Variants in CSGALNACT1 observed in about 807,000 individuals in gnomAD.
CSGALNACT1 encodes the protein chondroitin sulfate N-acetylgalactosaminyltransferase 1, also known as beta4GalNAcT-1.
A neutral mutation model predicts 51.0 loss-of-function variants in CSGALNACT1; 52 were observed. The ratio of observed to expected loss-of-function variants is 1.02; its 90% confidence interval spans 0.82 to 1.29. CSGALNACT1 has a LOEUF of 1.29. Among genes scored for constraint, CSGALNACT1 ranks in the 50% most tolerant of loss-of-function variants. CSGALNACT1 has a pLI of 0.00. For missense variants in CSGALNACT1, 935 were observed against 679.2 expected (o/e 1.38, Z -4.19); for synonymous variants, 341 against 254.4 (o/e 1.34, Z -3.24).
chr8:19,680,010 T>G (rs560911184), intron 1 of CSGALNACT1, among the ~76,000 whole-genome samples: 1 of 152,122 alleles, frequency 6.6e-6, no homozygotes, highest in Non-Finnish European at 1.5e-5. Flanking sequence ...ATTCTAAAAA[T>G]AGCCACGACA....
intron 1 of CSGALNACT1, among the ~76,000 whole-genome samples, chr8:19,618,517 A>G (rs1219881385): frequency 6.6e-6 from 1 of 151,044 alleles, no homozygotes; most frequent in African/African-American, 2.4e-5. Flanking sequence ...GTGGCCACCT[A>G]TAATCCCAGC....
chr8:19,535,719 A>G (rs1238798104), intron 3 of CSGALNACT1, among the ~76,000 whole-genome samples: 1 of 152,104 alleles, frequency 6.6e-6, no homozygotes. Flanking sequence ...AAGCCATAGA[A>G]GGAAAAAAAT....
chr8:19,555,261 G>C (rs1165308721), intron 3 of CSGALNACT1, among the ~76,000 whole-genome samples: 2 of 151,816 alleles, frequency 1.3e-5, no homozygotes, highest in African/African-American at 2.4e-5. Flanking sequence ...AAAAAGAAAA[G>C]AAAAGAAAAA....
chr8:19,685,311 C>G (rs2060909001), upstream of CSGALNACT1, among the ~76,000 whole-genome samples: 1 of 152,114 alleles, frequency 6.6e-6, no homozygotes, highest in Non-Finnish European at 1.5e-5. Context: ...GAGTTTGAGA[C>G]CAGTCTGGGC....
At chr8:19,734,460 T>G (rs1285697784) in intron 1 of CSGALNACT1, among the ~76,000 whole-genome samples, 3 of 152,248 alleles carry the variant, frequency 2.0e-5, no homozygotes, top group Non-Finnish European at 4.4e-5. Flanking sequence ...GCTGTGCCTA[T>G]ACTTCCTTTC....
At chr8:19,733,845 G>T (rs958561560) in intron 1 of CSGALNACT1, among the ~76,000 whole-genome samples, 11 of 152,046 alleles carry the variant, frequency 7.2e-5, no homozygotes, top group Admixed American at 3.3e-4. Flanking sequence ...AGCCAGAAGG[G>T]AACCTCTGCT....
At chr8:19,549,656 CTTTTTTTT>C (rs542956513) in intron 3 of CSGALNACT1, among the ~76,000 whole-genome samples, 3 of 83,468 alleles carry the variant, frequency 3.6e-5, no homozygotes, top group South Asian at 4.7e-4. Context: ...CAATTTCCTA[CTTTTTTTT>C]TTTTTTTTTT....
At position 19,596,718 on chromosome 8, in the gene CSGALNACT1, T is replaced by C. The variant is rs182888119; in HGVS notation, c.-416+5053A>G. On this transcript the variant is annotated intron_variant, in intron 2 of 9. Coordinates refer to ENST00000454498, the Ensembl canonical transcript of CSGALNACT1. ...TTTAAAAATCTAAGCAAAGGAAAAA[T>C]AAAGCTCAAACCATGAACTCTAAAA... Among the ~76,000 whole-genome samples the C allele has an allele frequency of 6.6e-5, 10 of 152,026 alleles. No individual in the cohort carries two copies. In the East Asian group the frequency reaches 1.5e-3, roughly 23 times the overall value.
chr8:19,583,078 A>T (rs545469869), intron 3 of CSGALNACT1, among the ~76,000 whole-genome samples: 2 of 152,272 alleles, frequency 1.3e-5, no homozygotes, highest in East Asian at 3.9e-4. Context: ...CTTTAAACAC[A>T]TGCAATTTTT....
chr8:19,723,996 G>A (rs1458296089), intron 1 of CSGALNACT1, among the ~76,000 whole-genome samples: 2 of 152,136 alleles, frequency 1.3e-5, no homozygotes, highest in Admixed American at 6.5e-5. Flanking sequence ...CTCTCATTTC[G>A]AAAACCCTAG....
chr8:19,563,982 G>A (rs917218218), intron 3 of CSGALNACT1, among the ~76,000 whole-genome samples: 7 of 151,858 alleles, frequency 4.6e-5, no homozygotes, highest in South Asian at 2.1e-4. Flanking sequence ...CTGTCTCCAC[G>A]GCTCTCCACA....
intron 4 of CSGALNACT1, among the ~76,000 whole-genome samples, chr8:19,501,745 G>A (rs2076465053): frequency 6.6e-6 from 1 of 152,184 alleles, no homozygotes; most frequent in African/African-American, 2.4e-5. Flanking sequence ...CAGGAAATCA[G>A]AGCCAAAATA....
intron 1 of CSGALNACT1, among the ~76,000 whole-genome samples, chr8:19,617,993 C>T (rs1396853730): frequency 6.6e-6 from 1 of 152,080 alleles, no homozygotes; most frequent in Non-Finnish European, 1.5e-5. Context: ...AATCCTCCCA[C>T]CTCAGCCCCC....
At chr8:19,692,573 C>T (rs529382682) in intron 1 of CSGALNACT1, among the ~76,000 whole-genome samples, 1 of 152,290 alleles carries the variant, frequency 6.6e-6, no homozygotes, top group South Asian at 2.1e-4. Flanking sequence ...CATCCTCATT[C>T]ATGGCTAAAA....
intron 1 of CSGALNACT1, among the ~76,000 whole-genome samples, chr8:19,663,249 C>A (rs2001853): frequency 6.6e-6 from 1 of 151,874 alleles, no homozygotes; most frequent in Non-Finnish European, 1.5e-5. Context: ...CTTCCATGAC[C>A]CTAGGGTCAG....
chr8:19,614,760 T>A (rs1355376274), intron 1 of CSGALNACT1, among the ~76,000 whole-genome samples: 1 of 152,216 alleles, frequency 6.6e-6, no homozygotes, highest in African/African-American at 2.4e-5. Context: ...AATTTACAGA[T>A]GTGCAAACTG....
chr8:19,542,779 G>C (rs769188939), intron 3 of CSGALNACT1, among the ~76,000 whole-genome samples: 1 of 151,954 alleles, frequency 6.6e-6, no homozygotes, highest in Non-Finnish European at 1.5e-5. Context: ...AACAAAACAA[G>C]AAGAAAACAT....
At chr8:19,518,468 C>T (rs934345698) in intron 3 of CSGALNACT1, among the ~76,000 whole-genome samples, 2 of 152,144 alleles carry the variant, frequency 1.3e-5, no homozygotes, top group Non-Finnish European at 2.9e-5. Flanking sequence ...CCAACCTTCC[C>T]CACACACTAT....
intron 6 of CSGALNACT1, among the ~76,000 whole-genome samples, chr8:19,428,255 A>G (rs572725496): frequency 5.3e-5 from 8 of 152,354 alleles, no homozygotes; most frequent in Middle Eastern, 3.4e-3. Flanking sequence ...TAATAAAGAC[A>G]TATCGAAGAC....
Sources: allele counts gnomAD v4.1 joint callset (sites outside exome capture counted in the v4.1 genomes callset), GRCh38; gene constraint gnomAD v4.1.1; transcripts MANE v1.5; gene names NCBI Gene and HGNC (gene_info 2026-07-23, HGNC 2026-07-21).